NSD3: variants seen among roughly 807,000 people sequenced by gnomAD.
The protein encoded by NSD3 is nuclear receptor binding SET domain protein 3.
In NSD3, 24 loss-of-function variants were observed where a neutral mutation model predicts 160.8. The observed-to-expected ratio is 0.15, with a 90% CI of 0.11 to 0.21. The LOEUF is 0.21. Among genes scored for constraint, NSD3 ranks in the 10% least tolerant of loss-of-function variants. NSD3 has a pLI of 1.00. For missense variants in NSD3, 1,157 were observed against 1,735.9 expected (o/e 0.67, Z 5.93); for synonymous variants, 520 against 600.0 (o/e 0.87, Z 1.95).
At chr8:38,277,557 G>A (rs6989666) in intron 22 of NSD3, among the ~76,000 whole-genome samples, 14,185 of 152,122 alleles carry the variant, frequency 0.093, 772 homozygotes, top group Middle Eastern at 0.21. Context: ...GATTACAGGC[G>A]TGAGCCACCA....
chr8:38,378,825 C>CAAAAA (rs201408423), intron 1 of NSD3, among the ~76,000 whole-genome samples: 1 of 87,370 alleles, frequency 1.1e-5, no homozygotes, highest in Non-Finnish European at 2.4e-5. Flanking sequence ...CTCCATCTCT[C>CAAAAA]AAAAAAAAAA....
At position 38,318,775 on chromosome 8, in the gene NSD3, T is replaced by C. The variant is rs1809729001; in HGVS notation, c.1855+120A>G. The C allele has an allele frequency of 1.2e-5, 11 of 926,340 alleles. No homozygotes were observed. The South Asian group carries it at 1.4e-4, about 12-fold the overall frequency. 57.4% of individuals were successfully genotyped at this position (926,340 alleles called of 1,614,324 possible). On this transcript the variant is annotated intron_variant, in intron 9 of 23. Coordinates refer to ENST00000317025, the MANE Select transcript of NSD3 (RefSeq NM_023034.2). The surrounding 1 kb of genome is among the most constrained non-coding windows in gnomAD (Gnocchi z 5.3). ...ACACGAACACTGGGGAATACTGCAA[T>C]TTCACACTGAAGAGCAACAACGATT... is the stretch of plus-strand genomic sequence containing the variant.
intron 4 of NSD3, among the ~76,000 whole-genome samples, chr8:38,333,593 C>T (rs370183732): frequency 3.3e-5 from 5 of 152,176 alleles, no homozygotes; most frequent in Non-Finnish European, 7.3e-5. Flanking sequence ...AATGGCCGGG[C>T]GCGGTGGCTC....
chr8:38,287,443 T>C (rs1808888690), intron 19 of NSD3, among the ~76,000 whole-genome samples: 2 of 152,094 alleles, frequency 1.3e-5, no homozygotes, highest in African/African-American at 4.8e-5. Context: ...CCTTAAAAAA[T>C]GTATTATTAT....
In NSD3 at chr8:38,270,065, T is replaced by A. The variant is rs1808389775; in HGVS notation, c.*5576A>T. 6.6e-6 allele frequency: 1 copy of A among 152,208 alleles called. No homozygotes were observed. Among genetic ancestry groups the A allele is most frequent in the Non-Finnish European group, 1.5e-5 (1 of 68,048 alleles). The allele number at this position is 152,208 out of a possible 1,614,324, so 9.4% of individuals were successfully genotyped here. A position where few individuals can be genotyped will look rare whatever the true frequency, so the allele number is the denominator to read the frequency against. The stretch of plus-strand genomic sequence containing the variant: ...TCAAAATATTATATATCTTGAAGTC[T>A]ATGTGGCAACATCAAGTCATTATAC... On this transcript the variant is annotated 3_prime_UTR_variant, in exon 24 of 24. Coordinates refer to ENST00000317025, the MANE Select transcript of NSD3 (RefSeq NM_023034.2).
Position 38,272,949 on chromosome 8 carries a change from G to A in NSD3, c.*2692C>T, listed in dbSNP as rs1808517824. 6.6e-6 allele frequency: 1 copy of A among 152,154 alleles called. No homozygotes were observed. The highest frequency in any genetic ancestry group is 2.4e-5 in the African/African-American group (1 of 41,444). The allele number at this position is 152,154 out of a possible 1,614,324, so 9.4% of individuals were successfully genotyped here. ...CAACATTGACGCTATGGAGGTGTGA[G>A]GAGAACTCCTTGGCACCAGCATGAC... On this transcript the variant is annotated 3_prime_UTR_variant, in exon 24 of 24. Transcript: ENST00000317025.
At chr8:38,279,459 C>A in intron 21 of NSD3, 81 bp downstream of exon 21, 2 of 1,471,004 alleles carry the variant, frequency 1.4e-6, no homozygotes. Context: ...GGGCATCAAG[C>A]CTTGAAGAAC....
At chr8:38,331,630 C>T (rs1810063167) in intron 4 of NSD3, 45 bp from the exon 5 acceptor site, 1 of 1,597,080 alleles carries the variant, frequency 6.3e-7, no homozygotes, top group Non-Finnish European at 8.5e-7. Flanking sequence ...CATAAGCATT[C>T]ACATCTACTT....
At chr8:38,345,989 G>A (rs1026026097) in intron 2 of NSD3, among the ~76,000 whole-genome samples, 4 of 151,954 alleles carry the variant, frequency 2.6e-5, no homozygotes, top group Non-Finnish European at 1.5e-5. Context: ...GTGATATAAA[G>A]AACTAGGTAT....
At chr8:38,276,545 G>A (rs769674585) in intron 22 of NSD3, 45 bp from the exon 23 acceptor site, 8 of 1,601,796 alleles carry the variant, frequency 5.0e-6, no homozygotes, top group Non-Finnish European at 6.8e-6. Context: ...CACAGACAGT[G>A]CATGAAGCTG....
Position 38,329,519 on chromosome 8 carries a change from T to C in NSD3, c.1440A>G (p.Pro480=), listed in dbSNP as rs774354214. The change falls in exon 6 of 24, where the codon CCA becomes CCG. Residue 480 remains proline (P), a synonymous_variant. Transcript: ENST00000317025. The surrounding 1 kb of genome is among the most constrained non-coding windows in gnomAD (Gnocchi z 4.8). ...TCCCTTTGTGCATCGTAATGGAAGCTGGTAAGGATTTCCTTGCTGCCGCAG... is the reference window on the plus strand; with the variant it reads ...TCCCTTTGTGCATCGTAATGGAAGCCGGTAAGGATTTCCTTGCTGCCGCAG... The part of the protein sequence containing the change: ...WKTAAARKSL[P]ASITMHKGSL... The C allele has an allele frequency of 5.6e-6, 9 of 1,614,236 alleles. No individual in the cohort carries two copies. The East Asian group carries it at 1.1e-4, about 20-fold the overall frequency.
chr8:38,294,530 A>G (rs1809084885), intron 16 of NSD3, among the ~76,000 whole-genome samples: 1 of 152,240 alleles, frequency 6.6e-6, no homozygotes, highest in South Asian at 2.1e-4. Context: ...TTAATGGAAT[A>G]ATCTCTCCTT....
chr8:38,276,204 C>A, intron 23 of NSD3, 92 bp downstream of exon 23: 1 of 1,398,474 alleles, frequency 7.2e-7, no homozygotes, highest in Non-Finnish European at 9.9e-7. Context: ...TTCTATTCAA[C>A]ATTTCCTATC....
At chr8:38,371,813 C>A (rs150260509) in intron 1 of NSD3, among the ~76,000 whole-genome samples, 1 of 152,056 alleles carries the variant, frequency 6.6e-6, no homozygotes, top group Non-Finnish European at 1.5e-5. Flanking sequence ...CAGAGTTGTA[C>A]GCAAATAGAC....
rs1022041502 is a variant in NSD3, at chr8:38,326,630, G to T, written c.1708+100C>A. The T allele has an allele frequency of 5.5e-6, 7 of 1,276,574 alleles. No individual in the cohort carries two copies. The Admixed American group carries it at 1.2e-4, about 21-fold the overall frequency. The allele number at this position is 1,276,574 out of a possible 1,614,324, so 79.1% of individuals were successfully genotyped here. A position where few individuals can be genotyped will look rare whatever the true frequency, so the allele number is the denominator to read the frequency against. On this transcript the variant is annotated intron_variant, in intron 7 of 23. Transcript: ENST00000317025. ...TGATTTTTAAATATAATTTACTTTT[G>T]ATAACTAAGAGTTTCTTAGAAACAC... is the stretch of plus-strand genomic sequence containing the variant.
intron 7 of NSD3, among the ~76,000 whole-genome samples, chr8:38,326,147 CAA>C (rs555329851): frequency 1.5e-5 from 2 of 131,714 alleles, no homozygotes; most frequent in Non-Finnish European, 1.6e-5. Context: ...GACTCTGTCT[CAA>C]AAAAAAAAAA....
At chr8:38,345,771 G>A (rs183027273) in intron 2 of NSD3, among the ~76,000 whole-genome samples, 6 of 151,632 alleles carry the variant, frequency 4.0e-5, no homozygotes, top group East Asian at 1.9e-4. Context: ...TTAGCCAGGC[G>A]TGGTGGTATG....
At chr8:38,369,542 T>C (rs1811187961) in intron 1 of NSD3, among the ~76,000 whole-genome samples, 1 of 152,244 alleles carries the variant, frequency 6.6e-6, no homozygotes. Flanking sequence ...GACTAAAGAC[T>C]AGTTCATTTT....
chr8:38,370,908 T>C (rs1443076759), intron 1 of NSD3, among the ~76,000 whole-genome samples: 1 of 152,148 alleles, frequency 6.6e-6, no homozygotes, highest in Non-Finnish European at 1.5e-5. Flanking sequence ...GTAATTCTAC[T>C]TCTAGGAATT....
Sources: gnomAD v4.1 joint callset for allele counts (sites outside exome capture counted in the v4.1 genomes callset) on GRCh38, gnomAD v4.1.1 for gene constraint, Gnocchi (gnomAD v3.1) non-coding constraint, MANE v1.5 for transcripts, NCBI Gene and HGNC (gene_info 2026-07-23, HGNC 2026-07-21) for gene names.